The following OIT3 variants were observed in gnomAD, a reference collection of about 807,000 sequenced individuals.
OIT3 encodes oncoprotein-induced transcript 3 protein.
In OIT3, 41 loss-of-function variants were observed where a neutral mutation model predicts 52.2. That is an observed-to-expected ratio of 0.79 (90% CI 0.61 to 1.02). The LOEUF is 1.02. Ranked by LOEUF, OIT3 falls within the 50% of genes least tolerant of loss-of-function variation. The pLI, the probability that OIT3 is intolerant of heterozygous loss-of-function variation, is 0.00. For missense variants in OIT3, 634 were observed against 715.5 expected (o/e 0.89, Z 1.30); for synonymous variants, 244 against 276.9 (o/e 0.88, Z 1.18).
rs112712829 is a variant in OIT3, at chr10:72,922,811, T to C, written c.952-1418T>C. On this transcript the variant is annotated intron_variant, in intron 6 of 8. Coordinates refer to ENST00000334011, the MANE Select transcript of OIT3 (RefSeq NM_152635.3). ...TTCTTGCACTGATTCTTTCTCATCT[T>C]TGAGGGCTTATCTACCTTCAAACTT... 4.6e-3 allele frequency among the ~76,000 whole-genome samples: 699 copies of C among 152,300 alleles called. 3 individuals are homozygous for C. Among genetic ancestry groups the C allele is most frequent in the Non-Finnish European group, 8.0e-3 (546 of 68,030 alleles).
intron 4 of OIT3, among the ~76,000 whole-genome samples, 195 bp downstream of exon 4, chr10:72,906,913 A>C (rs1259407034): frequency 6.6e-6 from 1 of 152,160 alleles, no homozygotes; most frequent in Non-Finnish European, 1.5e-5. Context: ...TGTCTCTAAG[A>C]TTTAACAGGA....
chr10:72,900,420 A>G lies in OIT3; in HGVS notation c.480A>G (p.Ser160=). The G allele has an allele frequency of 6.2e-7, 1 of 1,612,816 alleles. No homozygotes were observed. The highest frequency in any genetic ancestry group is 8.5e-7 in the Non-Finnish European group (1 of 1,178,816). ...ACGAGGACTGCCATGGCAGCTGCTC[A>G]GATACCAGCGAGTGCACATGCGCTC... ...ICDEDCHGSC[S]DTSECTCAPG... The change falls in exon 3 of 9, where the codon TCA becomes TCG. Residue 160 remains serine, a synonymous_variant. Transcript: ENST00000334011.
At chr10:72,913,108 T>C (rs74993705) in intron 5 of OIT3, among the ~76,000 whole-genome samples, 200 bp from the exon 6 acceptor site, 458 of 152,328 alleles carry the variant, frequency 3.0e-3, no homozygotes, top group African/African-American at 0.011. Flanking sequence ...CAGGGAACCA[T>C]ATATTTGAGG....
At chr10:72,926,058 A>G (rs1326476786) in intron 7 of OIT3, among the ~76,000 whole-genome samples, 1 of 152,234 alleles carries the variant, frequency 6.6e-6, no homozygotes, top group Non-Finnish European at 1.5e-5. Context: ...ACCCAAATTC[A>G]TAGCAGTATC....
chr10:72,926,156 T>C (rs940576398), intron 7 of OIT3, among the ~76,000 whole-genome samples: 1 of 152,200 alleles, frequency 6.6e-6, no homozygotes, highest in African/African-American at 2.4e-5. Context: ...GGGAGAATGG[T>C]CCAGTACGAG....
chr10:72,907,316 G>A (rs1845989674), intron 4 of OIT3, among the ~76,000 whole-genome samples: 1 of 152,000 alleles, frequency 6.6e-6, no homozygotes, highest in African/African-American at 2.4e-5. Context: ...AAACTTTAAT[G>A]TGCCCACGAA....
intron 4 of OIT3, 70 bp from the exon 5 acceptor site, chr10:72,911,647 T>C (rs997646071): frequency 6.5e-7 from 1 of 1,542,548 alleles, no homozygotes; most frequent in Non-Finnish European, 8.8e-7. Flanking sequence ...TAATCCCTGA[T>C]GCAAAGTGCC....
At chr10:72,899,369 G>A (rs572835693) in intron 2 of OIT3, among the ~76,000 whole-genome samples, 1 of 152,292 alleles carries the variant, frequency 6.6e-6, no homozygotes, top group South Asian at 2.1e-4. Context: ...GGCTGAGGCA[G>A]GTGGATCACA....
chr10:72,903,964 G>A (rs1845955400), intron 3 of OIT3, among the ~76,000 whole-genome samples: 1 of 152,020 alleles, frequency 6.6e-6, no homozygotes, highest in Non-Finnish European at 1.5e-5. Flanking sequence ...AAAAGAAGAA[G>A]TAAGAACTAA....
chr10:72,907,466 G>A (rs1342866848), intron 4 of OIT3, among the ~76,000 whole-genome samples: 2 of 152,186 alleles, frequency 1.3e-5, no homozygotes, highest in Non-Finnish European at 2.9e-5. Context: ...AGGTAATAGA[G>A]GCAGTAGCAT....
At chr10:72,904,287 G>A (rs993137355) in intron 3 of OIT3, among the ~76,000 whole-genome samples, 8 of 152,122 alleles carry the variant, frequency 5.3e-5, no homozygotes, top group African/African-American at 9.7e-5. Flanking sequence ...GAGTCTTGCC[G>A]GAGCTCCCGG....
intron 6 of OIT3, among the ~76,000 whole-genome samples, chr10:72,920,877 G>T (rs1369327750): frequency 6.6e-6 from 1 of 152,178 alleles, no homozygotes; most frequent in African/African-American, 2.4e-5. Flanking sequence ...GTATCATATG[G>T]TGATGAGAAG....
At chr10:72,904,885 A>G (rs574323277) in intron 3 of OIT3, among the ~76,000 whole-genome samples, 2 of 152,258 alleles carry the variant, frequency 1.3e-5, no homozygotes, top group South Asian at 2.1e-4. Context: ...AAATGGGTTT[A>G]TTTGGTTTAT....
At chr10:72,930,095 T>TAGTC (rs1309588857) in intron 7 of OIT3, among the ~76,000 whole-genome samples, 1 of 152,244 alleles carries the variant, frequency 6.6e-6, no homozygotes, top group Non-Finnish European at 1.5e-5. Context: ...TCCCCTTCAG[T>TAGTC]AGTCAGTTGC....
rs149638646 is a variant in OIT3, at chr10:72,898,890, C to T, written c.288C>T (p.Gly96=). The change falls in exon 2 of 9, where the codon GGC becomes GGT. Residue 96 remains glycine, a synonymous_variant. Coordinates refer to ENST00000334011, the MANE Select transcript of OIT3 (RefSeq NM_152635.3). ...VWLNGSHPLE[G]DGIVQRQACA... ...TCAATGGCAGCCACCCCCTAGAAGG[C>T]GACGGCATTGTGCAACGCCAGGCTT... 1,102 of 1,614,170 alleles carry T rather than the reference C, an allele frequency of 6.8e-4. 7 individuals carry two copies. The Middle Eastern group carries it at 9.2e-3, about 14-fold the overall frequency.
rs1253390214 is a variant in OIT3 at position 72,924,366 on chromosome 10, C to T, written c.1089C>T (p.Thr363=). ...PVTCEFPRLY[T]ISEGYVPNLR... ...CCTGCGAGTTTCCACGCCTGTACAC[C>T]ATTTCTGAAGGATACGTTCCCAACC... Residue 363 remains threonine (T), a synonymous_variant, in exon 7 of 9, where the codon ACC becomes ACT. Transcript: ENST00000334011. The T allele has an allele frequency of 6.2e-7, 1 of 1,614,048 alleles. No homozygotes were observed. Among genetic ancestry groups the T allele is most frequent in the African/African-American group, 1.3e-5 (1 of 74,922 alleles).
chr10:72,898,765 G>A lies in OIT3; in HGVS notation c.163G>A (p.Val55Met). 6.2e-7 allele frequency: 1 copy of A among 1,614,190 alleles called. No homozygotes were observed. Among genetic ancestry groups the A allele is most frequent in the Non-Finnish European group, 8.5e-7 (1 of 1,180,016 alleles). Residue 55 changes from valine (V) to methionine (M), a missense_variant, in exon 2 of 9, where the codon GTG (valine) becomes ATG (methionine). Physicochemically the swap from Val to Met is conservative, Grantham distance 21. Transcript: ENST00000334011. ...SQGPPLCDNH[V>M]NGEWYHFTGM... ...AGGTCCTCCTCTATGTGACAACCAT[G>A]TGAATGGGGAGTGGTACCACTTCAC...
chr10:72,907,667 G>A (rs1332204330), intron 4 of OIT3, among the ~76,000 whole-genome samples: 1 of 152,154 alleles, frequency 6.6e-6, no homozygotes. Flanking sequence ...TGAGAAACTG[G>A]TTTACATGAA....
intron 7 of OIT3, among the ~76,000 whole-genome samples, chr10:72,929,277 C>T (rs964636701): frequency 7.3e-5 from 11 of 151,598 alleles, no homozygotes; most frequent in Non-Finnish European, 1.5e-4. Flanking sequence ...CCAGTTTAAT[C>T]GGCTTTAATA....
Sources: gnomAD v4.1 joint callset for allele counts (sites outside exome capture counted in the v4.1 genomes callset) on GRCh38, gnomAD v4.1.1 for gene constraint, MANE v1.5 for transcripts, NCBI Gene and HGNC (gene_info 2026-07-23, HGNC 2026-07-21) for gene names.